The following AKR1C8 variants were observed in gnomAD, a reference collection of about 807,000 sequenced individuals.
The protein encoded by AKR1C8 is aldo-keto reductase family 1 member C-like protein 1.
the AKR1C8 span, among the ~76,000 whole-genome samples, chr10:5,142,329 G>A: frequency 3.3e-5 from 5 of 152,156 alleles, no homozygotes; most frequent in East Asian, 9.7e-4. Flanking sequence ...AGTAAAGCTT[G>A]TTTTGCATTC....
At chr10:5,176,865 A>C in the AKR1C8 span, among the ~76,000 whole-genome samples, 1 of 152,264 alleles carries the variant, frequency 6.6e-6, no homozygotes, top group East Asian at 1.9e-4. Context: ...TTATCAGCTT[A>C]AGGAGATTTT....
chr10:5,116,318 C>T, the AKR1C8 span, among the ~76,000 whole-genome samples: 12 of 152,014 alleles, frequency 7.9e-5, no homozygotes, highest in East Asian at 1.9e-4. Flanking sequence ...TTGTGTCTCC[C>T]GGTGGCAGCG....
At chr10:5,163,399 T>C in the AKR1C8 span, among the ~76,000 whole-genome samples, 1 of 152,200 alleles carries the variant, frequency 6.6e-6, no homozygotes. Context: ...GTTATAGTTC[T>C]ACCAAGATTA....
the AKR1C8 span, among the ~76,000 whole-genome samples, chr10:5,167,477 C>A: frequency 0.016 from 2,429 of 152,264 alleles, 43 homozygotes; most frequent in Non-Finnish European, 0.022. Flanking sequence ...AGTTCATGTC[C>A]TTTGTAGGGA....
chr10:5,177,555 T>C, the AKR1C8 span, among the ~76,000 whole-genome samples: 441 of 152,344 alleles, frequency 2.9e-3, 2 homozygotes, highest in African/African-American at 9.8e-3. Context: ...GAAGGAATGG[T>C]ACCAGTTCCT....
chr10:5,124,254 CA>C, the AKR1C8 span, among the ~76,000 whole-genome samples: 1 of 151,974 alleles, frequency 6.6e-6, no homozygotes, highest in Non-Finnish European at 1.5e-5. Context: ...ATTTGAACAT[CA>C]AAAACAATAA....
the AKR1C8 span, among the ~76,000 whole-genome samples, chr10:5,160,591 C>T: frequency 2.0e-5 from 3 of 152,256 alleles, no homozygotes; most frequent in Non-Finnish European, 4.4e-5. Context: ...GCCAAAGGTG[C>T]CTCTATGTCT....
At chr10:5,161,374 G>T in the AKR1C8 span, among the ~76,000 whole-genome samples, 1 of 152,206 alleles carries the variant, frequency 6.6e-6, no homozygotes, top group African/African-American at 2.4e-5. Context: ...TGAGAGGTTA[G>T]ATCAGCGGAG....
chr10:5,148,267 A>G, the AKR1C8 span, among the ~76,000 whole-genome samples: 1 of 139,980 alleles, frequency 7.1e-6, no homozygotes, highest in Non-Finnish European at 1.7e-5. Context: ...AGAAGCAGGG[A>G]AGGAGGAAAG....
the AKR1C8 span, among the ~76,000 whole-genome samples, chr10:5,144,497 T>A: frequency 6.6e-6 from 1 of 151,414 alleles, no homozygotes; most frequent in African/African-American, 2.4e-5. Flanking sequence ...TGATTCTTCC[T>A]ACCCATGAGC....
the AKR1C8 span, among the ~76,000 whole-genome samples, chr10:5,176,261 C>A: frequency 8.1e-6 from 1 of 123,664 alleles, no homozygotes; most frequent in African/African-American, 2.8e-5. Context: ...TTGTTTTTCT[C>A]AGGTTTGTCA....
chr10:5,184,928 T>C, the AKR1C8 span: 7 of 473,880 alleles, frequency 1.5e-5, no homozygotes, highest in South Asian at 3.1e-5. Flanking sequence ...ATCCACTGTC[T>C]ACCCAAGTGC....
chr10:5,118,795 T>A, the AKR1C8 span, among the ~76,000 whole-genome samples: 1 of 152,148 alleles, frequency 6.6e-6, no homozygotes, highest in Non-Finnish European at 1.5e-5. Flanking sequence ...AAGGGGAAGT[T>A]TTCCCTTGGC....
the AKR1C8 span, among the ~76,000 whole-genome samples, chr10:5,130,643 G>A: frequency 6.6e-6 from 1 of 151,862 alleles, no homozygotes; most frequent in African/African-American, 2.4e-5. Context: ...ACCATGCTGA[G>A]AGTCAAATTA....
chr10:5,169,131 C>T, the AKR1C8 span, among the ~76,000 whole-genome samples: 1 of 152,144 alleles, frequency 6.6e-6, no homozygotes, highest in Non-Finnish European at 1.5e-5. Context: ...TGTGCCTGAG[C>T]TGTCTTTTCT....
At chr10:5,154,226 G>A in the AKR1C8 span, 14 of 468,432 alleles carry the variant, frequency 3.0e-5, 1 homozygote, top group South Asian at 2.2e-4. Flanking sequence ...TTTCCATTCT[G>A]TCAAAGAGTT....
the AKR1C8 span, among the ~76,000 whole-genome samples, chr10:5,181,836 C>T: frequency 1.3e-5 from 2 of 152,042 alleles, no homozygotes; most frequent in Admixed American, 1.3e-4. Flanking sequence ...CAATTGTTAC[C>T]TTGTTTTAAT....
At chr10:5,167,108 G>T in the AKR1C8 span, among the ~76,000 whole-genome samples, 8 of 151,782 alleles carry the variant, frequency 5.3e-5, no homozygotes, top group African/African-American at 1.9e-4. Context: ...CAGTTAGAAT[G>T]GTGATCATTA....
chr10:5,161,842 A>T, the AKR1C8 span: 1 of 534,698 alleles, frequency 1.9e-6, no homozygotes, highest in Admixed American at 1.9e-5. Context: ...TAACAAGGAA[A>T]AACAAAAGCT....
Sources: gnomAD v4.1 joint callset for allele counts (sites outside exome capture counted in the v4.1 genomes callset) on GRCh38, gnomAD v4.1.1 for gene constraint, MANE v1.5 for transcripts, NCBI Gene and HGNC (gene_info 2026-07-23, HGNC 2026-07-21) for gene names.